Variants in TAB2 observed in about 807,000 individuals in gnomAD.
The protein encoded by TAB2 is TGF-beta activated kinase 1 (MAP3K7) binding protein 2.
In TAB2, 3 loss-of-function variants were observed where a neutral mutation model predicts 65.0. The observed-to-expected ratio is 0.05, with a 90% CI of 0.02 to 0.12. The LOEUF (loss-of-function observed/expected upper bound fraction) is 0.12. Among genes scored for constraint, TAB2 ranks in the 10% least tolerant of loss-of-function variants. The probability of loss-of-function intolerance (pLI) is 1.00; values close to 1 mark genes in which losing one functional copy is unlikely to be tolerated. For missense variants in TAB2, 623 were observed against 840.3 expected, an observed-to-expected ratio of 0.74 and a Z score of 3.20; for synonymous variants, 298 against 285.1, an observed-to-expected ratio of 1.05 and a Z score of -0.46.
intron 3 of TAB2, among the ~76,000 whole-genome samples, chr6:149,397,336 G>A (rs1782205827): frequency 6.6e-6 from 1 of 152,058 alleles, no homozygotes. Context: ...AGCTACTTGG[G>A]AGGCTGAGGC....
rs139891165 is a variant in TAB2 at position 149,284,360 on chromosome 6, A to T, written c.-121+65584A>T. On this transcript the variant is annotated intron_variant, in intron 1 of 1. Transcript: ENST00000606202. ...TCCCAGACTTTCCCCAAGGTAGGCA[A>T]GGTGCTTCTCCTGTCTTTCTTATAT... 1.8e-4 allele frequency among the ~76,000 whole-genome samples: 27 copies of T among 152,292 alleles called. 2 individuals are homozygous for T. Among genetic ancestry groups the T allele is most frequent in the African/African-American group, 6.3e-4 (26 of 41,558 alleles).
chr6:149,358,908 C>T (rs909261400), intron 1 of TAB2, among the ~76,000 whole-genome samples: 1 of 151,644 alleles, frequency 6.6e-6, no homozygotes. Context: ...TCTCAAGTAC[C>T]TTCTGCTGTT....
intron 1 of TAB2, among the ~76,000 whole-genome samples, chr6:149,284,236 A>C (rs1409931843): frequency 6.6e-6 from 1 of 152,086 alleles, no homozygotes; most frequent in Non-Finnish European, 1.5e-5. Flanking sequence ...TTTGTCCCCC[A>C]CATACCCAGC....
intron 1 of TAB2, among the ~76,000 whole-genome samples, chr6:149,344,113 G>A (rs970348062): frequency 1.3e-5 from 2 of 152,206 alleles, no homozygotes; most frequent in African/African-American, 2.4e-5. Context: ...GGTGTTTAAA[G>A]AATTATGTGT....
At chr6:149,277,346 ATT>A (rs1053563950) in intron 1 of TAB2, among the ~76,000 whole-genome samples, 1 of 152,062 alleles carries the variant, frequency 6.6e-6, no homozygotes, top group Non-Finnish European at 1.5e-5. Context: ...CCATGTGGCT[ATT>A]TTTTTTAAAA....
At chr6:149,225,825 T>G (rs1777261141) in intron 1 of TAB2, among the ~76,000 whole-genome samples, 1 of 151,790 alleles carries the variant, frequency 6.6e-6, no homozygotes, top group Non-Finnish European at 1.5e-5. Context: ...AATTGGGAAA[T>G]AACAGACTAA....
intron 1 of TAB2, chr6:149,318,663 T>C (rs1157925197): frequency 6.6e-6 from 1 of 152,262 alleles, no homozygotes; most frequent in Non-Finnish European, 1.5e-5. Context: ...ACGATTGTGG[T>C]TGAGTCAGGG....
intron 6 of TAB2, among the ~76,000 whole-genome samples, chr6:149,404,290 AGAC>A (rs951602683): frequency 5.8e-4 from 89 of 152,306 alleles, no homozygotes; most frequent in African/African-American, 2.0e-3. Flanking sequence ...AAATTAAAGA[AGAC>A]ACAGATAAAT....
At chr6:149,369,699 C>T (rs1781156427) in intron 1 of TAB2, among the ~76,000 whole-genome samples, 1 of 152,130 alleles carries the variant, frequency 6.6e-6, no homozygotes, top group African/African-American at 2.4e-5. Flanking sequence ...CATATAAATA[C>T]ATAAGAGTTA....
At chr6:149,241,640 C>T (rs982688581) in intron 1 of TAB2, among the ~76,000 whole-genome samples, 8 of 152,240 alleles carry the variant, frequency 5.3e-5, no homozygotes, top group African/African-American at 1.9e-4. Flanking sequence ...GAACTCCCTG[C>T]AAATTTTCAA....
intron 1 of TAB2, among the ~76,000 whole-genome samples, chr6:149,233,827 T>A (rs975407417): frequency 6.6e-6 from 1 of 152,226 alleles, no homozygotes; most frequent in Non-Finnish European, 1.5e-5. Flanking sequence ...CAACCTAATA[T>A]ATCCAATGCT....
intron 3 of TAB2, among the ~76,000 whole-genome samples, chr6:149,393,735 A>T (rs944608585): frequency 6.6e-6 from 1 of 152,164 alleles, no homozygotes; most frequent in African/African-American, 2.4e-5. Context: ...TTGGAAAATA[A>T]ATTAGATTAT....
chr6:149,330,410 A>G (rs1779747997), intron 1 of TAB2, among the ~76,000 whole-genome samples: 1 of 152,230 alleles, frequency 6.6e-6, no homozygotes, highest in Non-Finnish European at 1.5e-5. Flanking sequence ...CATTCCCAGC[A>G]GCAATATGTG....
chr6:149,242,763 G>A lies in TAB2; in HGVS notation c.-121+23987G>A, dbSNP rs79304358. Reference sequence around the variant, plus strand: ...GAATGTGACATAAGGATGGCCGCCCGTCTCTTCTCTATGGGGCAGTTAGAC... The same window carrying A: ...GAATGTGACATAAGGATGGCCGCCCATCTCTTCTCTATGGGGCAGTTAGAC... On this transcript the variant is annotated intron_variant, in intron 1 of 1. Coordinates refer to the TAB2 transcript ENST00000606202. Among the ~76,000 whole-genome samples the A allele has an allele frequency of 4.6e-5, 7 of 152,226 alleles. No homozygotes were observed. The East Asian group carries it at 5.8e-4, about 13-fold the overall frequency.
chr6:149,220,881 C>T (rs1777130283), intron 1 of TAB2: 1 of 152,144 alleles, frequency 6.6e-6, no homozygotes, highest in Non-Finnish European at 1.5e-5. Context: ...CCTCTTAAAG[C>T]ACTGGGATTA....
At chr6:149,386,610 G>T (rs1237044725) in intron 3 of TAB2, among the ~76,000 whole-genome samples, 2 of 152,144 alleles carry the variant, frequency 1.3e-5, no homozygotes, top group African/African-American at 4.8e-5. Context: ...GGCCAAATAT[G>T]CCATTATATA....
intron 1 of TAB2, among the ~76,000 whole-genome samples, chr6:149,342,399 G>T (rs959931745): frequency 6.6e-6 from 1 of 152,120 alleles, no homozygotes; most frequent in Admixed American, 6.6e-5. Context: ...TCTCCTGTTG[G>T]ACAGTCTGTT....
intron 1 of TAB2, among the ~76,000 whole-genome samples, chr6:149,248,453 A>AGGAAGG (rs1777782036): frequency 1.8e-5 from 2 of 111,260 alleles, no homozygotes; most frequent in Non-Finnish European, 3.8e-5. Flanking sequence ...GGAAGGAAGA[A>AGGAAGG]AAGAAGGAAG....
At chr6:149,268,537 T>A (rs1168635858) in intron 1 of TAB2, among the ~76,000 whole-genome samples, 1 of 152,248 alleles carries the variant, frequency 6.6e-6, no homozygotes, top group Non-Finnish European at 1.5e-5. Flanking sequence ...TTGACATTTA[T>A]GATGACTGTG....
Sources: allele counts gnomAD v4.1 joint callset (sites outside exome capture counted in the v4.1 genomes callset), GRCh38; gene constraint gnomAD v4.1.1; transcripts MANE v1.5; gene names NCBI Gene and HGNC (gene_info 2026-07-23, HGNC 2026-07-21).